ABCA1: variants seen among roughly 807,000 people sequenced by gnomAD.
The protein encoded by ABCA1 is phospholipid-transporting ATPase ABCA1.
A neutral mutation model predicts 262.5 loss-of-function variants in ABCA1; 133 were observed. The observed-to-expected ratio is 0.51, with a 90% CI of 0.44 to 0.59. ABCA1 has a LOEUF of 0.59. ABCA1 is among the 20% of genes least tolerant of loss of function. The probability of loss-of-function intolerance (pLI) is 0.00; values close to 1 mark genes in which losing one functional copy is unlikely to be tolerated. For synonymous variants in ABCA1, 1,022 were observed against 1,043.5 expected, an observed-to-expected ratio of 0.98 and a Z score of 0.40; for missense variants, 2,452 against 2,777.5, an observed-to-expected ratio of 0.88 and a Z score of 2.63.
At chr9:104,839,974 A>G (rs1488431140) in intron 9 of ABCA1, among the ~76,000 whole-genome samples, 1 of 152,214 alleles carries the variant, frequency 6.6e-6, no homozygotes, top group Non-Finnish European at 1.5e-5. Flanking sequence ...CCATTATCTC[A>G]TTCTTGATCA....
In ABCA1 at chr9:104,840,273, A is replaced by G; in HGVS notation, c.1054+6T>C. On this transcript the variant is annotated splice_donor_region_variant and intron_variant, in intron 9 of 49. Coordinates refer to ENST00000374736, the MANE Select transcript of ABCA1 (RefSeq NM_005502.4). ...GGACAGGGCTGGGGTCTGCATGGAC[A>G]CTCACTTGTAGAGTTGTCATAGAAG... 1.9e-6 allele frequency: 3 copies of G among 1,614,088 alleles called. No homozygotes were observed. Among genetic ancestry groups the G allele is most frequent in the Non-Finnish European group, 2.5e-6 (3 of 1,180,008 alleles).
chr9:104,811,034 G>C, intron 28 of ABCA1, 110 bp from the exon 29 acceptor site: 4 of 1,503,290 alleles, frequency 2.7e-6, no homozygotes, highest in Non-Finnish European at 3.7e-6. Flanking sequence ...CGACCAACCA[G>C]CACGGCAATG....
At chr9:104,901,141 G>A (rs973914574) in intron 2 of ABCA1, among the ~76,000 whole-genome samples, 2 of 152,164 alleles carry the variant, frequency 1.3e-5, no homozygotes, top group Non-Finnish European at 2.9e-5. Context: ...GGCTAAGCAC[G>A]GAAAACCTTT....
At chr9:104,921,044 T>C (rs1842116310) in intron 1 of ABCA1, among the ~76,000 whole-genome samples, 1 of 152,188 alleles carries the variant, frequency 6.6e-6, no homozygotes, top group Admixed American at 6.5e-5. Context: ...TTCACCAATA[T>C]TTGCATCTAT....
At chr9:104,848,076 A>G (rs942085256) in intron 7 of ABCA1, among the ~76,000 whole-genome samples, 2 of 152,228 alleles carry the variant, frequency 1.3e-5, no homozygotes, top group African/African-American at 4.8e-5. Context: ...ATCTTAATGT[A>G]TATTCATTAT....
rs1262022412 is a variant in ABCA1 at position 104,796,319 on chromosome 9, A to G, written c.5227T>C (p.Leu1743=). 2 of 1,614,052 alleles carry G rather than the reference A, an allele frequency of 1.2e-6. No individual in the cohort carries two copies. The highest frequency in any genetic ancestry group is 1.7e-6 in the Non-Finnish European group (2 of 1,180,014). ...TCAGAGGTGACTTACCCATACAGCAAAAGTAGAAGGGCTAGCACAGGCAGA... is the reference window on the plus strand; with the variant it reads ...TCAGAGGTGACTTACCCATACAGCAGAAGTAGAAGGGCTAGCACAGGCAGA... ...TNLPVLALLL[L]LYGWSITPLM... Residue 1743 remains leucine, a synonymous_variant, in exon 38 of 50, where the codon TTG becomes CTG. Coordinates refer to ENST00000374736, the MANE Select transcript of ABCA1 (RefSeq NM_005502.4).
chr9:104,883,513 T>C (rs575894729), intron 4 of ABCA1, among the ~76,000 whole-genome samples: 3 of 152,340 alleles, frequency 2.0e-5, no homozygotes, highest in Non-Finnish European at 4.4e-5. Context: ...TGGGATACTC[T>C]TAAGGGCATA....
intron 13 of ABCA1, among the ~76,000 whole-genome samples, 179 bp from the exon 14 acceptor site, chr9:104,831,280 C>A (rs1346795565): frequency 1.3e-5 from 2 of 149,158 alleles, no homozygotes; most frequent in Non-Finnish European, 1.5e-5. Context: ...TGCAATGATG[C>A]GATCTTAGCT....
At chr9:104,790,706 TAAAAG>T (rs1201136849) in intron 44 of ABCA1, among the ~76,000 whole-genome samples, 1 of 152,208 alleles carries the variant, frequency 6.6e-6, no homozygotes, top group Admixed American at 6.5e-5. Flanking sequence ...ATAAAGCTGT[TAAAAG>T]AAGAGAATGA....
chr9:104,827,976 T>TC (rs1832944969), intron 15 of ABCA1, among the ~76,000 whole-genome samples: 2 of 152,242 alleles, frequency 1.3e-5, no homozygotes, highest in Non-Finnish European at 2.9e-5. Context: ...AGTATTAAAT[T>TC]AGTTAGTTCT....
At chr9:104,834,885 C>T (rs933567269) in intron 11 of ABCA1, among the ~76,000 whole-genome samples, 2 of 152,100 alleles carry the variant, frequency 1.3e-5, no homozygotes, top group Non-Finnish European at 1.5e-5. Flanking sequence ...GCCATCACCT[C>T]GTGTAGGAGA....
chr9:104,911,485 G>A (rs528731922), intron 1 of ABCA1, among the ~76,000 whole-genome samples: 9 of 152,306 alleles, frequency 5.9e-5, no homozygotes, highest in African/African-American at 1.9e-4. Flanking sequence ...CAGACAGATC[G>A]TGGCTGCTGT....
chr9:104,816,274 C>A lies in ABCA1; in HGVS notation c.3607G>T (p.Glu1203Ter). ...EARLVEDIGH[E>*]LTYVLPYEAA... Reference sequence around the variant, plus strand: ...TCATATGGCAGCACATAGGTCAGCTCATGCCCTATGTCTTCCACCAGCCGG... The same window carrying A: ...TCATATGGCAGCACATAGGTCAGCTAATGCCCTATGTCTTCCACCAGCCGG... Residue 1203 changes from glutamate (E) to a stop codon, truncating the protein, a stop_gained, in exon 25 of 50, where the codon GAG becomes TAG. Coordinates refer to ENST00000374736, the MANE Select transcript of ABCA1 (RefSeq NM_005502.4). LOFTEE classifies it high-confidence loss of function. 1 of 1,614,140 alleles carries A rather than the reference C, an allele frequency of 6.2e-7. No homozygotes were observed. Among genetic ancestry groups the A allele is most frequent in the Non-Finnish European group, 8.5e-7 (1 of 1,180,016 alleles).
chr9:104,901,351 A>G (rs1468651631), intron 2 of ABCA1, among the ~76,000 whole-genome samples: 3 of 152,102 alleles, frequency 2.0e-5, no homozygotes, highest in Non-Finnish European at 2.9e-5. Context: ...TTTGTACCTC[A>G]GCTTTCTCAT....
chr9:104,793,383 TA>T, intron 40 of ABCA1, 83 bp from the exon 41 acceptor site: 1 of 1,576,732 alleles, frequency 6.3e-7, no homozygotes, highest in Non-Finnish European at 8.7e-7. Flanking sequence ...CTATGTTCCT[TA>T]AAATTCACCG....
chr9:104,905,384 G>C (rs1841044776), intron 1 of ABCA1, among the ~76,000 whole-genome samples: 1 of 152,210 alleles, frequency 6.6e-6, no homozygotes, highest in Non-Finnish European at 1.5e-5. Flanking sequence ...AAAGTCAAGA[G>C]ATTGGAGGAA....
chr9:104,894,012 C>A (rs79433302), intron 2 of ABCA1, among the ~76,000 whole-genome samples: 2 of 152,084 alleles, frequency 1.3e-5, no homozygotes, highest in African/African-American at 2.4e-5. Flanking sequence ...GTATCATTAC[C>A]GTTTTAGAAG....
intron 17 of ABCA1, among the ~76,000 whole-genome samples, chr9:104,825,116 G>A (rs1832709056): frequency 6.6e-6 from 1 of 152,156 alleles, no homozygotes. Flanking sequence ...AATTCAACAT[G>A]AATTTTTATT....
chr9:104,809,467 G>C lies in ABCA1; in HGVS notation c.4273C>G (p.Pro1425Ala). 1 of 1,614,136 alleles carries C rather than the reference G, an allele frequency of 6.2e-7. No individual in the cohort carries two copies. Among genetic ancestry groups the C allele is most frequent in the African/African-American group, 1.3e-5 (1 of 75,044 alleles). The part of the protein sequence containing the change: ...GTRCMEGNPI[P>A]DTPCQAGEEE... ...GCTTATGGCTAAAGTGGCACTCACG[G>C]GATTGGGTTTCCTTCCATACAGCGG... Residue 1425 changes from proline (P) to alanine (A), a missense_variant and splice_region_variant, in exon 30 of 50, where the codon CCA (proline) becomes GCA (alanine). Physicochemically the swap from Pro to Ala is conservative, Grantham distance 27. Around this residue, in one of 4 missense-constraint regions of ABCA1, gnomAD observed 665 missense variants for 727.3 expected, o/e 0.91. Coordinates refer to ENST00000374736, the MANE Select transcript of ABCA1 (RefSeq NM_005502.4).
Sources: allele counts gnomAD v4.1 joint callset (sites outside exome capture counted in the v4.1 genomes callset), GRCh38; gene constraint gnomAD v4.1.1; regional missense constraint gnomAD v4.1.1; transcripts MANE v1.5; gene names NCBI Gene and HGNC (gene_info 2026-07-23, HGNC 2026-07-21).